The following INSIG2 variants were observed in gnomAD, a reference collection of about 807,000 sequenced individuals.
INSIG2 encodes insulin-induced gene 2 protein.
Under a neutral mutation model 27.2 loss-of-function variants are expected in INSIG2, and 10 were observed. The observed-to-expected ratio is 0.37, with a 90% CI of 0.23 to 0.62. The LOEUF is 0.62. INSIG2 is among the 20% of genes least tolerant of loss of function. The pLI is 0.65. For missense variants in INSIG2, 178 were observed against 270.2 expected, an observed-to-expected ratio of 0.66 and a Z score of 2.39; for synonymous variants, 97 against 95.8, an observed-to-expected ratio of 1.01 and a Z score of -0.07.
In INSIG2 at chr2:118,103,199, G is replaced by T. The variant is rs184611175; in HGVS notation, c.247G>T (p.Val83Leu). Residue 83 changes from valine to leucine, a missense_variant and splice_region_variant, in exon 3 of 6, where the codon GTG becomes TTG. Val to Leu is a conservative substitution (Grantham distance 32, BLOSUM62 1). Transcript: ENST00000245787. ...VPPCCGTASAVIGLLYPCIDR... is the reference protein window; with the variant it reads ...VPPCCGTASALIGLLYPCIDR... ...ATTTTTTTCTTTTTTCCCTACAGCT[G>T]TGATTGGGTTATTATACCCCTGCAT... 6.2e-7 allele frequency: 1 copy of T among 1,612,492 alleles called. No homozygotes were observed.
rs1338050528 is a variant in INSIG2 at position 118,109,961 on chromosome 2, A to G, written c.*1639A>G. On this transcript the variant is annotated 3_prime_UTR_variant, in exon 6 of 6. Coordinates refer to ENST00000245787, the MANE Select transcript of INSIG2 (RefSeq NM_016133.4). ...AAATCTTTAATAAGTTATAAGGTCT[A>G]TGATGTGTTTACTTTAAAAATTGCT... 1 of 152,634 alleles carries G rather than the reference A, an allele frequency of 6.6e-6. No individual in the cohort carries two copies. The highest frequency in any genetic ancestry group is 2.4e-5 in the African/African-American group (1 of 41,456). The allele number at this position is 152,634 out of a possible 1,614,324, so 9.5% of individuals were successfully genotyped here.
intron 2 of INSIG2, chr2:118,102,640 A>C (rs1295642724): frequency 2.0e-5 from 3 of 153,004 alleles, no homozygotes; most frequent in African/African-American, 7.2e-5. Context: ...TACATGCTGA[A>C]GACTAAAACG....
intron 2 of INSIG2, 89 bp downstream of exon 2, chr2:118,096,889 G>T: frequency 7.4e-7 from 1 of 1,357,580 alleles, no homozygotes; most frequent in Non-Finnish European, 1.0e-6. Flanking sequence ...TTTTAAAAAA[G>T]AAAATATATT....
chr2:118,110,532 T>C lies in INSIG2; in HGVS notation c.*2210T>C, dbSNP rs1299767277. ...CCCACACAGCTGAAAACCATGCTGT[T>C]CAAGGGTCAACTGTGTGTGGTATCG... On this transcript the variant is annotated 3_prime_UTR_variant, in exon 6 of 6. Coordinates refer to ENST00000245787, the MANE Select transcript of INSIG2 (RefSeq NM_016133.4). The C allele has an allele frequency of 1.3e-5, 2 of 152,174 alleles. No homozygotes were observed. The highest frequency in any genetic ancestry group is 2.9e-5 in the Non-Finnish European group (2 of 68,030). 9.4% of individuals were successfully genotyped at this position (152,174 alleles called of 1,614,324 possible).
At chr2:118,093,111 G>C (rs1443131234) in intron 1 of INSIG2, among the ~76,000 whole-genome samples, 4 of 120,764 alleles carry the variant, frequency 3.3e-5, no homozygotes, top group African/African-American at 1.3e-4. Flanking sequence ...ATGAAGGAGA[G>C]TTCTGTAGCT....
intron 3 of INSIG2, among the ~76,000 whole-genome samples, chr2:118,106,015 T>C (rs1678663653): frequency 6.6e-6 from 1 of 152,228 alleles, no homozygotes; most frequent in African/African-American, 2.4e-5. Flanking sequence ...GAATAGATGC[T>C]TAAGTAGGTG....
At chr2:118,095,589 A>C (rs1200696558) in intron 1 of INSIG2, among the ~76,000 whole-genome samples, 1 of 152,240 alleles carries the variant, frequency 6.6e-6, no homozygotes, top group Non-Finnish European at 1.5e-5. Flanking sequence ...GGAATGAACA[A>C]GTACCTAGAC....
chr2:118,090,447 T>C (rs976213816), intron 1 of INSIG2, among the ~76,000 whole-genome samples: 1 of 152,240 alleles, frequency 6.6e-6, no homozygotes, highest in African/African-American at 2.4e-5. Context: ...ACGAAGCTCA[T>C]AATCACTTAT....
chr2:118,094,882 T>C (rs1678370834), intron 1 of INSIG2, among the ~76,000 whole-genome samples: 1 of 152,184 alleles, frequency 6.6e-6, no homozygotes, highest in South Asian at 2.1e-4. Context: ...TCAGAGGAAA[T>C]GTATAAATTT....
chr2:118,091,058 AT>A (rs1180979532), intron 1 of INSIG2, among the ~76,000 whole-genome samples: 1 of 152,206 alleles, frequency 6.6e-6, no homozygotes, highest in East Asian at 1.9e-4. Flanking sequence ...TTTAAAAAAA[AT>A]TTTGGAGCAT....
At chr2:118,099,240 C>A (rs1172261121) in intron 2 of INSIG2, among the ~76,000 whole-genome samples, 1 of 152,236 alleles carries the variant, frequency 6.6e-6, no homozygotes, top group Non-Finnish European at 1.5e-5. Flanking sequence ...GTCAGAAAAA[C>A]TGATAATCAT....
intron 4 of INSIG2, 35 bp from the exon 5 acceptor site, chr2:118,107,055 C>T: frequency 1.3e-6 from 2 of 1,494,108 alleles, no homozygotes; most frequent in Non-Finnish European, 1.9e-6. Context: ...ATTGCAGTTC[C>T]TCTGTGGGTA....
At chr2:118,107,556 C>A (rs1415608313) in intron 5 of INSIG2, among the ~76,000 whole-genome samples, 2 of 152,198 alleles carry the variant, frequency 1.3e-5, no homozygotes, top group East Asian at 3.9e-4. Flanking sequence ...ACATTAGGAC[C>A]ACCTCTAACA....
rs1157004939 is a variant in INSIG2, at chr2:118,109,925, TA to T, written c.*1605del. 2.6e-5 allele frequency: 4 copies of T among 152,602 alleles called. No individual in the cohort carries two copies. Among genetic ancestry groups the T allele is most frequent in the African/African-American group, 9.7e-5 (4 of 41,438 alleles). The allele number at this position is 152,602 out of a possible 1,614,324, so 9.5% of individuals were successfully genotyped here. A position where few individuals can be genotyped will look rare whatever the true frequency, so the allele number is the denominator to read the frequency against. ...GGTATATTTTTTAGAATCAACTTTG[TA>T]AGCACTATAAAATCTTTAATAAGTT... is the stretch of plus-strand genomic sequence containing the variant. On this transcript the variant is annotated 3_prime_UTR_variant, in exon 6 of 6. Transcript: ENST00000245787.
intron 1 of INSIG2, among the ~76,000 whole-genome samples, chr2:118,093,689 A>AG (rs1558832591): frequency 3.9e-4 from 49 of 125,316 alleles, no homozygotes; most frequent in Non-Finnish European, 7.1e-4. Flanking sequence ...GAGGAGGAGG[A>AG]GAGTTCTGTA....
chr2:118,103,471 G>A, intron 3 of INSIG2, 150 bp downstream of exon 3: 2 of 610,234 alleles, frequency 3.3e-6, no homozygotes, highest in Middle Eastern at 2.9e-4. Flanking sequence ...TGAAACATCG[G>A]TGTAGCAGCT....
In INSIG2 at chr2:118,108,308, T is replaced by C; in HGVS notation, c.664T>C (p.Ser222Pro). The change falls in exon 6 of 6, where the codon TCT (serine) becomes CCT (proline). Residue 222 changes from serine to proline, a missense_variant. By Grantham distance (74) the Ser-to-Pro change is moderately conservative (BLOSUM62 -1). Transcript: ENST00000245787. ...MYECKVIAEKSHQE is the reference protein window; with the variant it reads ...MYECKVIAEKPHQE ...CGAATGTAAAGTTATCGCAGAAAAA[T>C]CTCATCAGGAATGAAGAAGGCAAAA... The C allele has an allele frequency of 6.3e-7, 1 of 1,599,950 alleles. No individual in the cohort carries two copies. Among genetic ancestry groups the C allele is most frequent in the Non-Finnish European group, 8.5e-7 (1 of 1,173,290 alleles).
chr2:118,101,348 CT>C (rs962443109), intron 2 of INSIG2, among the ~76,000 whole-genome samples: 2 of 152,152 alleles, frequency 1.3e-5, no homozygotes, highest in Non-Finnish European at 2.9e-5. Context: ...GTTTAAATTT[CT>C]TTTTGTGTTT....
rs1678215746 is a variant in INSIG2 at position 118,091,142 on chromosome 2, AC to A, written c.-139+2602del. Among the ~76,000 whole-genome samples, 3 of 152,346 alleles carry A rather than the reference AC, an allele frequency of 2.0e-5. No individual in the cohort carries two copies. The South Asian group carries it at 6.2e-4, about 32-fold the overall frequency. On this transcript the variant is annotated intron_variant, in intron 1 of 5. Coordinates refer to ENST00000245787, the MANE Select transcript of INSIG2 (RefSeq NM_016133.4). Reference sequence around the variant, plus strand: ...TTTGTTTTAAGAAAATGGTATCAGTACAAAATCAGAAAAACAAACTTCAAAG... The same window carrying A: ...TTTGTTTTAAGAAAATGGTATCAGTAAAAATCAGAAAAACAAACTTCAAAG...
Sources: gnomAD v4.1 joint callset for allele counts (sites outside exome capture counted in the v4.1 genomes callset) on GRCh38, gnomAD v4.1.1 for gene constraint, MANE v1.5 for transcripts, NCBI Gene and HGNC (gene_info 2026-07-23, HGNC 2026-07-21) for gene names.